The following CLIP2 variants were observed in gnomAD, a reference collection of about 807,000 sequenced individuals.
CLIP2 encodes CAP-Gly domain-containing linker protein 2.
A neutral mutation model predicts 111.7 loss-of-function variants in CLIP2; 41 were observed. That is an observed-to-expected ratio of 0.37 (90% CI 0.29 to 0.48). The LOEUF is 0.48. CLIP2 is among the 20% of genes least tolerant of loss of function. The pLI is 0.99. For missense variants in CLIP2, 1,160 were observed against 1,422.1 expected, an observed-to-expected ratio of 0.82 and a Z score of 2.96; for synonymous variants, 660 against 644.2, an observed-to-expected ratio of 1.02 and a Z score of -0.37.
intron 1 of CLIP2, among the ~76,000 whole-genome samples, chr7:74,310,401 G>C (rs1554728340): frequency 6.6e-6 from 1 of 151,828 alleles, no homozygotes; most frequent in East Asian, 1.9e-4. Flanking sequence ...ACTCGCCTTT[G>C]GTCCCAGCTA....
intron 7 of CLIP2, 44 bp from the exon 8 acceptor site, chr7:74,364,211 C>T: frequency 6.3e-7 from 1 of 1,584,612 alleles, no homozygotes; most frequent in Non-Finnish European, 8.6e-7. Flanking sequence ...AATCCCGTTG[C>T]TCTGGGCAAA....
chr7:74,350,405 A>G (rs1789949218), intron 3 of CLIP2, among the ~76,000 whole-genome samples: 2 of 151,944 alleles, frequency 1.3e-5, no homozygotes, highest in Admixed American at 6.6e-5. Flanking sequence ...TGAGGGTCTC[A>G]CTATATTGCT....
In CLIP2 at chr7:74,373,050, C is replaced by T. The variant is rs560667523; in HGVS notation, c.1485+14C>T. ...GCGGACAACAGGGTAACCGCGCCAC[C>T]GCACCCGCCTGGCCCGCCAGCCACC... On this transcript the variant is annotated intron_variant, in intron 9 of 16. Transcript: ENST00000223398. 7.8e-6 allele frequency: 12 copies of T among 1,539,552 alleles called. No homozygotes were observed. The East Asian group carries it at 2.2e-4, about 28-fold the overall frequency.
rs185370688 is a variant in CLIP2, at chr7:74,327,342, A to C, written c.121+9675A>C. On this transcript the variant is annotated intron_variant, in intron 2 of 16. Transcript: ENST00000223398. ...GGTCTCGAACTCCTGATCTCAAGTG[A>C]TCCACCTGCCTCGGCCTCCCAAACT... 2.6e-4 allele frequency among the ~76,000 whole-genome samples: 40 copies of C among 152,254 alleles called. No individual in the cohort carries two copies. In the East Asian group the frequency reaches 6.9e-3, roughly 26 times the overall value.
intron 6 of CLIP2, among the ~76,000 whole-genome samples, chr7:74,357,891 G>A (rs1226753589): frequency 1.3e-5 from 2 of 150,704 alleles, no homozygotes; most frequent in Non-Finnish European, 3.0e-5. Context: ...TGAGTAACTG[G>A]GATTACAGGC....
chr7:74,355,878 C>A (rs1790128153), intron 4 of CLIP2, among the ~76,000 whole-genome samples: 1 of 152,152 alleles, frequency 6.6e-6, no homozygotes, highest in Non-Finnish European at 1.5e-5. Flanking sequence ...TGATGGGAAT[C>A]CTTCATTCTG....
chr7:74,351,184 C>T (rs797036644), intron 3 of CLIP2, among the ~76,000 whole-genome samples: 18 of 151,934 alleles, frequency 1.2e-4, no homozygotes, highest in African/African-American at 3.6e-4. Context: ...TGGCCAGGCA[C>T]GGTGGCTCAC....
chr7:74,341,886 A>G (rs1789666123), intron 3 of CLIP2, among the ~76,000 whole-genome samples: 1 of 152,180 alleles, frequency 6.6e-6, no homozygotes, highest in South Asian at 2.1e-4. Flanking sequence ...GAGGCCAGTG[A>G]TCGCAGACAT....
intron 1 of CLIP2, among the ~76,000 whole-genome samples, chr7:74,303,043 C>T (rs1266829391): frequency 6.6e-6 from 1 of 152,196 alleles, no homozygotes; most frequent in African/African-American, 2.4e-5. Flanking sequence ...GTGGAGACAG[C>T]AGTACAGACA....
intron 3 of CLIP2, among the ~76,000 whole-genome samples, chr7:74,346,646 C>A (rs1334701626): frequency 4.8e-5 from 7 of 146,194 alleles, no homozygotes; most frequent in African/African-American, 1.8e-4. Context: ...TCACTTGAAC[C>A]TGGGAGGCAG....
intron 1 of CLIP2, among the ~76,000 whole-genome samples, chr7:74,305,855 A>ACCCCCCCCCCCCCCCCCCCCCCCC (rs1478628381): frequency 2.1e-4 from 11 of 52,296 alleles, no homozygotes; most frequent in South Asian, 7.6e-4. Flanking sequence ...CTGCACCCCA[A>ACCCCCCCCCCCCCCCCCCCCCCCC]CCCCCCCCCA....
At chr7:74,337,398 G>A (rs372296906) in intron 2 of CLIP2, among the ~76,000 whole-genome samples, 45 of 152,122 alleles carry the variant, frequency 3.0e-4, no homozygotes, top group Admixed American at 1.4e-3. Flanking sequence ...CCCTGTAACC[G>A]TCTGAGGGCG....
At chr7:74,360,084 C>T in intron 6 of CLIP2, 91 bp from the exon 7 acceptor site, 1 of 1,070,254 alleles carries the variant, frequency 9.3e-7, no homozygotes, top group Non-Finnish European at 1.3e-6. Context: ...GTTCCAGGCC[C>T]TGCTCCTTGC....
intron 14 of CLIP2, among the ~76,000 whole-genome samples, chr7:74,398,107 C>G (rs1227489404): frequency 1.3e-5 from 2 of 151,568 alleles, no homozygotes; most frequent in Non-Finnish European, 2.9e-5. Flanking sequence ...ACCTGTAATC[C>G]CAGCACTTTG....
chr7:74,362,477 T>C (rs1554309956), intron 7 of CLIP2, among the ~76,000 whole-genome samples: 1 of 151,944 alleles, frequency 6.6e-6, no homozygotes, highest in African/African-American at 2.4e-5. Flanking sequence ...CTGGTTCCCA[T>C]GGCGATGTGC....
At chr7:74,339,358 T>C (rs949980238) in intron 3 of CLIP2, among the ~76,000 whole-genome samples, 2 of 152,108 alleles carry the variant, frequency 1.3e-5, no homozygotes, top group African/African-American at 2.4e-5. Flanking sequence ...CAGGCTGGAG[T>C]GCAGTGGCGT....
At chr7:74,306,478 C>T (rs937151626) in intron 1 of CLIP2, among the ~76,000 whole-genome samples, 17 of 152,180 alleles carry the variant, frequency 1.1e-4, no homozygotes, top group Non-Finnish European at 2.2e-4. Flanking sequence ...CTGCCTCCCT[C>T]GCCCCAGGAT....
chr7:74,376,162 G>T lies in CLIP2; in HGVS notation c.1761G>T (p.Lys587Asn). Residue 587 changes from lysine to asparagine, a missense_variant, in exon 10 of 17, where the codon AAG (lysine) becomes AAT (asparagine). Physicochemically the swap from Lys to Asn is moderately conservative, Grantham distance 94. Around this residue, in one of 5 missense-constraint regions of CLIP2, gnomAD observed 676 missense variants for 777.8 expected, o/e 0.87. Transcript: ENST00000223398. This position sits in a 1 kb window ranked among gnomAD's most constrained non-coding sequence, Gnocchi z 7.1. ...EVDKLRAANE[K>N]YAQEVAGLKD... Reference sequence around the variant, plus strand: ...ACAAGCTCCGCGCGGCCAACGAGAAGTACGCACAGGAGGTGGCGGGCCTGA... The same window carrying T: ...ACAAGCTCCGCGCGGCCAACGAGAATTACGCACAGGAGGTGGCGGGCCTGA... 1 of 1,611,208 alleles carries T rather than the reference G, an allele frequency of 6.2e-7. No homozygotes were observed. The highest frequency in any genetic ancestry group is 8.5e-7 in the Non-Finnish European group (1 of 1,178,690).
rs1554312886 is a variant in CLIP2 at position 74,376,468 on chromosome 7, G to GCAGGAGGCC, written c.2075_2083dup (p.Ala692_Glu694dup). 1 of 1,613,368 alleles carries GCAGGAGGCC rather than the reference G, an allele frequency of 6.2e-7. No individual in the cohort carries two copies. Among genetic ancestry groups the GCAGGAGGCC allele is most frequent in the South Asian group, 1.1e-5 (1 of 91,074 alleles). On this transcript the variant is annotated inframe_insertion, in exon 10 of 17. Transcript: ENST00000223398. This position sits in a 1 kb window ranked among gnomAD's most constrained non-coding sequence, Gnocchi z 7.1. ...AGAAGGAGGCCCTGCGAGAGAAGCT[G>GCAGGAGGCC]CAGGAGGCCCAGGAGGAGCTGGCTG...
Sources: gnomAD v4.1 joint callset for allele counts (sites outside exome capture counted in the v4.1 genomes callset) on GRCh38, gnomAD v4.1.1 for gene constraint, gnomAD v4.1.1 regional missense constraint, Gnocchi (gnomAD v3.1) non-coding constraint, MANE v1.5 for transcripts, NCBI Gene and HGNC (gene_info 2026-07-23, HGNC 2026-07-21) for gene names.